MAML2: variants seen among roughly 807,000 people sequenced by gnomAD.
MAML2 encodes mastermind-like protein 2.
MAML2 carries 22 observed loss-of-function variants against 96.1 expected under a neutral mutation model. The ratio of observed to expected loss-of-function variants is 0.23; its 90% CI spans 0.16 to 0.33. The LOEUF is 0.33. Ranked by LOEUF, MAML2 falls within the 10% of genes least tolerant of loss-of-function variation. The pLI is 1.00. For missense variants in MAML2, 1,367 were observed against 1,392.4 expected, an observed-to-expected ratio of 0.98 and a Z score of 0.29; for synonymous variants, 561 against 521.3, an observed-to-expected ratio of 1.08 and a Z score of -1.04.
intron 1 of MAML2, among the ~76,000 whole-genome samples, chr11:96,247,909 A>C (rs1230013216): frequency 6.6e-6 from 1 of 152,054 alleles, no homozygotes; most frequent in African/African-American, 2.4e-5. Context: ...ATGTATACCC[A>C]CCTTCACCAA....
chr11:96,212,563 C>T (rs1861988045), intron 1 of MAML2, among the ~76,000 whole-genome samples: 1 of 152,196 alleles, frequency 6.6e-6, no homozygotes, highest in Admixed American at 6.5e-5. Context: ...TCTTATCAGT[C>T]AGCAGCAGTG....
At chr11:96,048,237 A>G (rs966731310) in intron 2 of MAML2, among the ~76,000 whole-genome samples, 2 of 152,212 alleles carry the variant, frequency 1.3e-5, no homozygotes, top group African/African-American at 4.8e-5. Flanking sequence ...CATTATTCTA[A>G]CTTAATTTAA....
At chr11:96,076,757 G>A (rs1385394767) in intron 2 of MAML2, among the ~76,000 whole-genome samples, 2 of 152,198 alleles carry the variant, frequency 1.3e-5, no homozygotes, top group South Asian at 4.1e-4. Context: ...CTCTGAATAT[G>A]AGGAAAATGA....
chr11:96,243,754 T>G (rs1591092192), intron 1 of MAML2, among the ~76,000 whole-genome samples: 1 of 151,164 alleles, frequency 6.6e-6, no homozygotes, highest in Non-Finnish European at 1.5e-5. Flanking sequence ...CCCAGGTTCA[T>G]GCCATTCTCC....
At chr11:96,336,261 T>C (rs1372334646) in intron 1 of MAML2, among the ~76,000 whole-genome samples, 1 of 152,180 alleles carries the variant, frequency 6.6e-6, no homozygotes, top group African/African-American at 2.4e-5. Flanking sequence ...TCACCTGTTT[T>C]TTGCAGGCCT....
At chr11:96,279,625 C>T (rs952557389) in intron 1 of MAML2, among the ~76,000 whole-genome samples, 1 of 152,188 alleles carries the variant, frequency 6.6e-6, no homozygotes, top group Admixed American at 6.5e-5. Context: ...TTGACACTCT[C>T]CACTCCCCTG....
At chr11:96,300,223 C>T (rs752820593) in intron 1 of MAML2, among the ~76,000 whole-genome samples, 1 of 152,022 alleles carries the variant, frequency 6.6e-6, no homozygotes, top group East Asian at 1.9e-4. Flanking sequence ...GCTAATGAAA[C>T]TGGGATGTCA....
chr11:96,002,926 GA>G lies in MAML2; in HGVS notation c.2140-11204del, dbSNP rs1858114721. Among the ~76,000 whole-genome samples, 3 of 148,400 alleles carry G rather than the reference GA, an allele frequency of 2.0e-5. No homozygotes were observed. In the South Asian group the frequency reaches 6.7e-4, roughly 33 times the overall value. On this transcript the variant is annotated intron_variant, in intron 2 of 4. Transcript: ENST00000524717. ...TGATGAGAAAGATGATGGGGATAAG[GA>G]AGATGATGGGGATGATAAGAAGGAT... is the stretch of plus-strand genomic sequence containing the variant.
intron 1 of MAML2, among the ~76,000 whole-genome samples, chr11:96,292,946 G>T (rs11021520): frequency 0.31 from 47,094 of 151,612 alleles, 7,448 homozygotes; most frequent in African/African-American, 0.37. Flanking sequence ...AAAAAAAAAA[G>T]ATCTGATGTA....
chr11:96,003,203 A>T (rs1308446083), intron 2 of MAML2, among the ~76,000 whole-genome samples: 1 of 152,060 alleles, frequency 6.6e-6, no homozygotes, highest in Non-Finnish European at 1.5e-5. Flanking sequence ...GATAAGGATG[A>T]TGGGGATGAT....
chr11:96,220,196 G>C (rs1040361807), intron 1 of MAML2, among the ~76,000 whole-genome samples: 2 of 152,178 alleles, frequency 1.3e-5, no homozygotes, highest in Non-Finnish European at 1.5e-5. Flanking sequence ...TCTAGAGAAG[G>C]GGGTGGGGGA....
intron 2 of MAML2, among the ~76,000 whole-genome samples, chr11:96,018,857 G>A (rs1311829035): frequency 6.6e-6 from 1 of 152,180 alleles, no homozygotes; most frequent in African/African-American, 2.4e-5. Flanking sequence ...CCAAAGTGCT[G>A]GGATTACTGG....
At chr11:96,043,718 C>A (rs1858852501) in intron 2 of MAML2, among the ~76,000 whole-genome samples, 1 of 152,172 alleles carries the variant, frequency 6.6e-6, no homozygotes, top group South Asian at 2.1e-4. Flanking sequence ...TTTGGGCAGG[C>A]AATTATTCTG....
intron 1 of MAML2, among the ~76,000 whole-genome samples, chr11:96,288,754 T>C (rs1377438201): frequency 6.6e-6 from 1 of 152,204 alleles, no homozygotes; most frequent in Admixed American, 6.5e-5. Flanking sequence ...ATTATACATT[T>C]AAATTAATTT....
At position 96,282,881 on chromosome 11, in the gene MAML2, C is replaced by T. The variant is rs1440149318; in HGVS notation, c.513+58502G>A. ...TCTCCCTTCCCCTTTTCACTTCAAC[C>T]TTAATGTACACACTTGCAAATTTTC... On this transcript the variant is annotated intron_variant, in intron 1 of 4. Transcript: ENST00000524717. Among the ~76,000 whole-genome samples the T allele has an allele frequency of 2.0e-5, 3 of 152,322 alleles. No homozygotes were observed. In the South Asian group the frequency reaches 6.2e-4, roughly 32 times the overall value.
At chr11:95,996,429 C>G (rs990307636) in intron 2 of MAML2, among the ~76,000 whole-genome samples, 2 of 152,120 alleles carry the variant, frequency 1.3e-5, no homozygotes, top group Non-Finnish European at 2.9e-5. Context: ...TTATTTCCTT[C>G]ACGGTACCAA....
chr11:95,996,783 A>G (rs565755), intron 2 of MAML2, among the ~76,000 whole-genome samples: 4,668 of 152,180 alleles, frequency 0.031, 174 homozygotes, highest in African/African-American at 0.089. Context: ...GAAAGAAAAA[A>G]CTGCTTTGAT....
intron 1 of MAML2, among the ~76,000 whole-genome samples, chr11:96,132,999 AAT>A (rs1395615349): frequency 2.0e-5 from 3 of 152,234 alleles, no homozygotes; most frequent in African/African-American, 7.2e-5. Context: ...TAAAAATTAA[AAT>A]ATGTCTACTT....
intron 1 of MAML2, among the ~76,000 whole-genome samples, chr11:96,331,011 C>G (rs973598254): frequency 1.5e-4 from 23 of 152,130 alleles, no homozygotes; most frequent in Admixed American, 8.5e-4. Flanking sequence ...TGGCTGATGC[C>G]TGGAATCCAG....
Sources: gnomAD v4.1 joint callset for allele counts (sites outside exome capture counted in the v4.1 genomes callset) on GRCh38, gnomAD v4.1.1 for gene constraint, MANE v1.5 for transcripts, NCBI Gene and HGNC (gene_info 2026-07-23, HGNC 2026-07-21) for gene names.